SBF2: variants seen among roughly 807,000 people sequenced by gnomAD.
SBF2 encodes the protein myotubularin-related protein 13.
Under a neutral mutation model 225.2 loss-of-function variants are expected in SBF2, and 112 were observed. The ratio of observed to expected loss-of-function variants is 0.50; its 90% CI spans 0.43 to 0.58. The LOEUF is 0.58. Among genes scored for constraint, SBF2 ranks in the 20% least tolerant of loss-of-function variants. The pLI is 0.00. For synonymous variants in SBF2, 763 were observed against 773.3 expected (o/e 0.99, Z 0.22); for missense variants, 1,996 against 2,206.2 (o/e 0.90, Z 1.91).
At chr11:10,002,744 A>C in intron 6 of SBF2, 55 bp from the exon 7 acceptor site, 1 of 1,541,626 alleles carries the variant, frequency 6.5e-7, no homozygotes, top group Non-Finnish European at 9.0e-7. Context: ...ATGTGTTGTC[A>C]ACAATCATAG....
intron 22 of SBF2, 32 bp from the exon 23 acceptor site, chr11:9,847,115 A>G (rs747612391): frequency 2.5e-6 from 4 of 1,613,122 alleles, no homozygotes; most frequent in Non-Finnish European, 3.4e-6. Context: ...CTTCAGCAAC[A>G]ACACTTTATA....
At chr11:9,858,118 A>G in intron 18 of SBF2, 108 bp downstream of exon 18, 1 of 1,263,900 alleles carries the variant, frequency 7.9e-7, no homozygotes, top group Non-Finnish European at 1.1e-6. Context: ...TAAAACCCAA[A>G]TACACTGGCA....
intron 37 of SBF2, among the ~76,000 whole-genome samples, 177 bp from the exon 38 acceptor site, chr11:9,784,615 T>G (rs562401396): frequency 1.3e-5 from 2 of 152,344 alleles, no homozygotes; most frequent in South Asian, 4.1e-4. Context: ...GACTGCTGCT[T>G]TCTGCTGGGA....
At chr11:10,058,557 A>T (rs1950330083) in intron 2 of SBF2, among the ~76,000 whole-genome samples, 2 of 152,164 alleles carry the variant, frequency 1.3e-5, no homozygotes, top group South Asian at 4.1e-4. Context: ...TCTGAAATGG[A>T]GGGGGAGAAA....
rs1166081188 is a variant in SBF2, at chr11:9,974,960, CAAAAAAAAAAAAA to C, written c.1396-6428_1396-6416del. On this transcript the variant is annotated intron_variant, in intron 13 of 39. Coordinates refer to ENST00000256190, the MANE Select transcript of SBF2 (RefSeq NM_030962.4). The stretch of plus-strand genomic sequence containing the variant: ...GGGCAACAACAGCGAAACTTTGACT[CAAAAAAAAAAAAA>C]AAAAAAAAAAAAAAAGAAAAAAAGA... Among the ~76,000 whole-genome samples, 10 of 23,270 alleles carry C rather than the reference CAAAAAAAAAAAAA, an allele frequency of 4.3e-4. No homozygotes were observed. In the South Asian group the frequency reaches 0.02, roughly 46 times the overall value. The allele number at this position is 23,270 out of a possible 152,430, so 15.3% of individuals were successfully genotyped here.
At chr11:10,176,259 C>A (rs1956458872) in intron 2 of SBF2, among the ~76,000 whole-genome samples, 1 of 148,332 alleles carries the variant, frequency 6.7e-6, no homozygotes, top group Non-Finnish European at 1.5e-5. Flanking sequence ...AAATTGACAC[C>A]CTAACATCAC....
At position 10,129,276 on chromosome 11, in the gene SBF2, G is replaced by C. The variant is rs534139374; in HGVS notation, c.141+64626C>G. ...GCACCACCACACCCAGTTAATTTTT[G>C]TATTTTTAGCAGAGTCGGGGTTTCG... On this transcript the variant is annotated intron_variant, in intron 2 of 39. Coordinates refer to ENST00000256190, the MANE Select transcript of SBF2 (RefSeq NM_030962.4). Among the ~76,000 whole-genome samples the C allele has an allele frequency of 2.6e-5, 4 of 151,878 alleles. No homozygotes were observed. The East Asian group carries it at 7.7e-4, about 29-fold the overall frequency.
rs572687514 is a variant in SBF2 at position 9,980,228 on chromosome 11, G to A, written c.1395+9269C>T. Among the ~76,000 whole-genome samples, 45 of 143,418 alleles carry A rather than the reference G, an allele frequency of 3.1e-4. 1 individual carries two copies. In the South Asian group the frequency reaches 7.4e-3, roughly 24 times the overall value. 94.1% of individuals were successfully genotyped at this position (143,418 alleles called of 152,430 possible). A position where few individuals can be genotyped will look rare whatever the true frequency, so the allele number is the denominator to read the frequency against. On this transcript the variant is annotated intron_variant, in intron 13 of 39. Coordinates refer to ENST00000256190, the MANE Select transcript of SBF2 (RefSeq NM_030962.4). ...ACTCCTGACCTCAAGTGATCTGCCC[G>A]CCTCAGCCTCCCAAATGCTGGGATT...
chr11:10,070,727 T>G (rs915530063), intron 2 of SBF2, among the ~76,000 whole-genome samples: 1 of 152,246 alleles, frequency 6.6e-6, no homozygotes, highest in Non-Finnish European at 1.5e-5. Flanking sequence ...GGGGATGGAA[T>G]TGAATCTATA....
intron 16 of SBF2, among the ~76,000 whole-genome samples, chr11:9,920,453 T>C (rs760496968): frequency 7.2e-5 from 11 of 152,236 alleles, no homozygotes; most frequent in Admixed American, 2.0e-4. Flanking sequence ...AAGAAGTATA[T>C]ACTATTAATT....
intron 1 of SBF2, among the ~76,000 whole-genome samples, chr11:10,205,844 G>T (rs1957732989): frequency 6.6e-6 from 1 of 151,986 alleles, no homozygotes; most frequent in African/African-American, 2.4e-5. Flanking sequence ...ACAACCAAGA[G>T]AAACTGAGGT....
At chr11:9,823,362 A>T (rs1854881599) in intron 28 of SBF2, among the ~76,000 whole-genome samples, 2 of 152,202 alleles carry the variant, frequency 1.3e-5, no homozygotes. Flanking sequence ...ACCCTGGCTC[A>T]TCAGACCAGG....
intron 13 of SBF2, among the ~76,000 whole-genome samples, chr11:9,979,211 T>A (rs1290397861): frequency 2.0e-5 from 3 of 152,144 alleles, no homozygotes; most frequent in Non-Finnish European, 4.4e-5. Flanking sequence ...CTGCCTTACA[T>A]TGTCGTTATG....
At chr11:10,066,195 A>T (rs898352912) in intron 2 of SBF2, among the ~76,000 whole-genome samples, 4 of 152,066 alleles carry the variant, frequency 2.6e-5, no homozygotes, top group African/African-American at 9.7e-5. Context: ...AAAAACGGAA[A>T]AATATAGAAT....
At chr11:9,829,080 G>A (rs1216461718) in intron 28 of SBF2, among the ~76,000 whole-genome samples, 2 of 152,020 alleles carry the variant, frequency 1.3e-5, no homozygotes, top group Non-Finnish European at 2.9e-5. Flanking sequence ...TTCGAGACCA[G>A]ACTGGGCAAC....
intron 17 of SBF2, among the ~76,000 whole-genome samples, chr11:9,880,807 A>C (rs1315794916): frequency 2.0e-5 from 3 of 152,228 alleles, no homozygotes; most frequent in Non-Finnish European, 4.4e-5. Context: ...TTGTCTAATG[A>C]CTGCATGGAT....
intron 1 of SBF2, among the ~76,000 whole-genome samples, chr11:10,274,216 C>T (rs540163858): frequency 6.6e-6 from 1 of 152,288 alleles, no homozygotes; most frequent in Non-Finnish European, 1.5e-5. Context: ...CAATCCTTCC[C>T]ATACAGAGGC....
chr11:9,882,623 A>G (rs554759430), intron 17 of SBF2, among the ~76,000 whole-genome samples: 11 of 152,094 alleles, frequency 7.2e-5, no homozygotes, highest in African/African-American at 2.6e-4. Flanking sequence ...CCTGGCTAAC[A>G]CGGTGAAACC....
chr11:10,135,066 G>T (rs917499584), intron 2 of SBF2, among the ~76,000 whole-genome samples: 5 of 152,342 alleles, frequency 3.3e-5, no homozygotes, highest in African/African-American at 9.6e-5. Context: ...AAACCTAGGT[G>T]GAGGTTCCCA....
Sources: allele counts gnomAD v4.1 joint callset (sites outside exome capture counted in the v4.1 genomes callset), GRCh38; gene constraint gnomAD v4.1.1; transcripts MANE v1.5; gene names NCBI Gene and HGNC (gene_info 2026-07-23, HGNC 2026-07-21).